The following TP63 variants were observed in gnomAD, a reference collection of about 807,000 sequenced individuals.
TP63 encodes tumor protein p63.
A neutral mutation model predicts 82.8 loss-of-function variants in TP63; 17 were observed. The observed-to-expected ratio is 0.21, with a 90% CI of 0.14 to 0.31. The LOEUF (loss-of-function observed/expected upper bound fraction) is 0.31, where lower values mean the gene tolerates loss of function less well. Ranked by LOEUF, TP63 falls within the 10% of genes least tolerant of loss-of-function variation. TP63 has a pLI of 1.00. For missense variants in TP63, 648 were observed against 895.3 expected, an observed-to-expected ratio of 0.72 and a Z score of 3.52; for synonymous variants, 330 against 321.7, an observed-to-expected ratio of 1.03 and a Z score of -0.28.
intron 3 of TP63, among the ~76,000 whole-genome samples, chr3:189,781,502 A>T (rs1724232873): frequency 6.6e-6 from 1 of 152,164 alleles, no homozygotes; most frequent in Non-Finnish European, 1.5e-5. Context: ...CCAGAGACGG[A>T]CGCTAGAACT....
intron 4 of TP63, among the ~76,000 whole-genome samples, chr3:189,859,269 A>G (rs1022021414): frequency 6.6e-6 from 1 of 152,188 alleles, no homozygotes; most frequent in African/African-American, 2.4e-5. Context: ...ATCATAAAAT[A>G]AAACCTAAAA....
chr3:189,879,482 A>G (rs1719668783), intron 10 of TP63, among the ~76,000 whole-genome samples: 1 of 152,208 alleles, frequency 6.6e-6, no homozygotes, highest in South Asian at 2.1e-4. Flanking sequence ...AATACTCATT[A>G]AACAGTTCTT....
At chr3:189,768,849 A>G (rs1245960256) in intron 3 of TP63, among the ~76,000 whole-genome samples, 2 of 152,194 alleles carry the variant, frequency 1.3e-5, no homozygotes, top group Admixed American at 6.5e-5. Context: ...AAAAAAGCAC[A>G]GAGTTAAAAC....
chr3:189,688,483 AT>A (rs755092658), intron 1 of TP63, among the ~76,000 whole-genome samples: 2 of 152,200 alleles, frequency 1.3e-5, no homozygotes, highest in Non-Finnish European at 2.9e-5. Context: ...ATTCACTACA[AT>A]ACCTCTGTGT....
intron 3 of TP63, among the ~76,000 whole-genome samples, chr3:189,805,197 T>G (rs1247790402): frequency 6.6e-6 from 1 of 152,222 alleles, no homozygotes; most frequent in East Asian, 1.9e-4. Context: ...TCCCTTTCTT[T>G]TCCTTAATAT....
intron 1 of TP63, among the ~76,000 whole-genome samples, chr3:189,647,845 TA>T (rs149185873): frequency 0.016 from 2,335 of 147,164 alleles, 206 homozygotes; most frequent in Admixed American, 0.03. Context: ...AACAAGTGAC[TA>T]AAAAGTATGC....
intron 1 of TP63, among the ~76,000 whole-genome samples, chr3:189,718,017 G>A (rs376965617): frequency 9.9e-5 from 15 of 152,264 alleles, no homozygotes; most frequent in African/African-American, 2.6e-4. Flanking sequence ...AAGAGAATGC[G>A]CTGATGGAGG....
At chr3:189,715,020 G>C (rs1260728745) in intron 1 of TP63, among the ~76,000 whole-genome samples, 1 of 152,114 alleles carries the variant, frequency 6.6e-6, no homozygotes, top group Admixed American at 6.5e-5. Flanking sequence ...ATGTGACTTG[G>C]TTCTAACTAG....
chr3:189,635,221 G>A (rs1477152933), intron 1 of TP63, among the ~76,000 whole-genome samples: 1 of 151,976 alleles, frequency 6.6e-6, no homozygotes, highest in Non-Finnish European at 1.5e-5. Context: ...TGTTTTTTGT[G>A]TGTGAATTAC....
intron 1 of TP63, among the ~76,000 whole-genome samples, chr3:189,728,872 G>A (rs1482012182): frequency 6.6e-6 from 1 of 152,166 alleles, no homozygotes; most frequent in Non-Finnish European, 1.5e-5. Context: ...TCCTGCCCTT[G>A]ACACATGGGG....
At chr3:189,672,314 A>G (rs1714957455) in intron 1 of TP63, among the ~76,000 whole-genome samples, 1 of 152,090 alleles carries the variant, frequency 6.6e-6, no homozygotes, top group Non-Finnish European at 1.5e-5. Context: ...AAAATATTTG[A>G]AAAAGGCTGG....
intron 1 of TP63, among the ~76,000 whole-genome samples, chr3:189,660,347 A>G (rs979629203): frequency 2.6e-5 from 4 of 152,052 alleles, no homozygotes; most frequent in African/African-American, 4.8e-5. Context: ...GTCAAAGATC[A>G]TATGGCTATA....
intron 11 of TP63, among the ~76,000 whole-genome samples, chr3:189,888,668 T>C (rs1384062107): frequency 6.6e-6 from 1 of 152,244 alleles, no homozygotes; most frequent in Non-Finnish European, 1.5e-5. Flanking sequence ...ATTAAACTTT[T>C]TTTCTCTATC....
chr3:189,844,388 C>A (rs777992182), intron 4 of TP63: 2 of 342,336 alleles, frequency 5.8e-6, no homozygotes, highest in Non-Finnish European at 1.2e-5. Context: ...TGGATTCAAG[C>A]GATTCTCCTT....
At chr3:189,686,751 G>A (rs1461254573) in intron 1 of TP63, among the ~76,000 whole-genome samples, 11 of 133,858 alleles carry the variant, frequency 8.2e-5, no homozygotes, top group African/African-American at 3.0e-4. Flanking sequence ...TTTTTTTTGA[G>A]ACAGAGTCTT....
chr3:189,600,161 G>A, the TP63 span, among the ~76,000 whole-genome samples: 4 of 152,276 alleles, frequency 2.6e-5, no homozygotes, highest in African/African-American at 9.6e-5. Context: ...CCCCAGAAGA[G>A]TTTGACAAAA....
chr3:189,891,437 A>G (rs759515661), intron 13 of TP63, among the ~76,000 whole-genome samples: 3 of 152,208 alleles, frequency 2.0e-5, no homozygotes, highest in Admixed American at 6.5e-5. Flanking sequence ...GTTCCTCTCA[A>G]TTAAAACTAT....
At chr3:189,835,755 A>G (rs1713041934) in intron 4 of TP63, among the ~76,000 whole-genome samples, 1 of 151,952 alleles carries the variant, frequency 6.6e-6, no homozygotes, top group Non-Finnish European at 1.5e-5. Flanking sequence ...TCTACTAAAA[A>G]TACAAAAAAT....
intron 1 of TP63, among the ~76,000 whole-genome samples, chr3:189,669,563 A>C (rs1052139446): frequency 6.6e-6 from 1 of 152,072 alleles, no homozygotes; most frequent in Non-Finnish European, 1.5e-5. Flanking sequence ...AAGTGGGTTT[A>C]TAAAATCTGT....
Sources: allele counts gnomAD v4.1 joint callset (sites outside exome capture counted in the v4.1 genomes callset), GRCh38; gene constraint gnomAD v4.1.1; transcripts MANE v1.5; gene names NCBI Gene and HGNC (gene_info 2026-07-23, HGNC 2026-07-21).